The following BPIFB3 variants were observed in gnomAD, a reference collection of about 807,000 sequenced individuals.
BPIFB3 encodes the protein BPI fold containing family B member 3.
A neutral mutation model predicts 53.1 loss-of-function variants in BPIFB3; 49 were observed. The ratio of observed to expected loss-of-function variants is 0.92; its 90% CI spans 0.73 to 1.17. The LOEUF (loss-of-function observed/expected upper bound fraction) is 1.17. BPIFB3 is among the 50% of genes most tolerant of loss of function. The pLI is 0.00. For missense variants in BPIFB3, 628 were observed against 592.5 expected (o/e 1.06, Z -0.62); for synonymous variants, 271 against 269.6 (o/e 1.01, Z -0.05).
chr20:33,071,427 C>T lies in BPIFB3; in HGVS notation c.1260+132C>T. On this transcript the variant is annotated intron_variant, in intron 12 of 14. Transcript: ENST00000375494. ...GGACTGGGATCCTCCCCAATTAAGC[C>T]AGAGTGGGCAAATATCAGGGCGGGT... 4.8e-6 allele frequency: 5 copies of T among 1,033,014 alleles called. 1 individual carries two copies. In the South Asian group the frequency reaches 5.0e-5, roughly 10 times the overall value. 64.0% of individuals were successfully genotyped at this position (1,033,014 alleles called of 1,614,324 possible).
At chr20:33,056,781 G>A in intron 2 of BPIFB3, 83 bp downstream of exon 3, 1 of 1,466,382 alleles carries the variant, frequency 6.8e-7, no homozygotes, top group South Asian at 1.4e-5. Context: ...TTTGTAATTT[G>A]TCCAATAGGC....
exon 1 of BPIFB3, chr20:33,055,452 C>T: frequency 6.2e-7 from 1 of 1,613,672 alleles, no homozygotes. Flanking sequence ...GCCCTGTGGT[C>T]CCTGCTTCTG....
intron 1 of BPIFB3, among the ~76,000 whole-genome samples, chr20:33,056,068 G>A (rs973982757): frequency 1.1e-4 from 16 of 152,176 alleles, no homozygotes; most frequent in Middle Eastern, 3.2e-3. Context: ...GGCCTGGAGT[G>A]CCCAGGAGAG....
chr20:33,055,516 C>T lies in BPIFB3; in HGVS notation c.93C>T (p.Leu31=), dbSNP rs144150108. Residue 31 remains leucine, a synonymous_variant, in exon 1 of 15, where the codon CTC becomes CTT. Transcript: ENST00000375494. ...AGCTGCTAGAGACGGTGGGCACGCT[C>T]GCTCGGATTGACAAGGATGAACTCG... 2.4e-4 allele frequency: 380 copies of T among 1,613,472 alleles called. No individual in the cohort carries two copies. Among genetic ancestry groups the T allele is most frequent in the Non-Finnish European group, 2.8e-4 (332 of 1,179,994 alleles).
intron 10 of BPIFB3, 55 bp from the exon 12 acceptor site, chr20:33,069,833 T>G (rs974434233): frequency 5.1e-6 from 8 of 1,575,176 alleles, no homozygotes; most frequent in Non-Finnish European, 7.0e-6. Flanking sequence ...GGCAGACCCG[T>G]CCTCAAGCTC....
intron 8 of BPIFB3, 101 bp from the exon 10 acceptor site, chr20:33,066,723 A>G (rs1980684713): frequency 2.7e-6 from 3 of 1,098,024 alleles, no homozygotes; most frequent in Non-Finnish European, 4.2e-6. Context: ...TGAAATTGGC[A>G]GGGTAGGGGG....
intron 5 of BPIFB3, 106 bp downstream of exon 6, chr20:33,061,937 C>G: frequency 7.8e-7 from 1 of 1,285,958 alleles, no homozygotes; most frequent in Non-Finnish European, 1.1e-6. Context: ...GGCTGTACTT[C>G]CCTTCCACAC....
chr20:33,060,130 G>A, intron 4 of BPIFB3, 99 bp downstream of exon 5: 1 of 1,481,460 alleles, frequency 6.8e-7, no homozygotes, highest in Non-Finnish European at 9.1e-7. Context: ...CCAGCTGCGG[G>A]GGCCTGAACT....
In BPIFB3 at chr20:33,060,936, G is replaced by A. The variant is rs941140872; in HGVS notation, c.528-832G>A. On this transcript the variant is annotated intron_variant, in intron 4 of 14. Transcript: ENST00000375494. ...TGCCTAGGATCACACGCACAGATCC[G>A]GCAGGGATGGAGAGGGGCTGCGCTC... Among the ~76,000 whole-genome samples the A allele has an allele frequency of 2.6e-5, 4 of 152,300 alleles. No individual in the cohort carries two copies. The East Asian group carries it at 7.7e-4, about 29-fold the overall frequency.
At chr20:33,066,825 T>G in exon 9 of BPIFB3, 7 of 1,614,160 alleles carry the variant, frequency 4.3e-6, no homozygotes, top group Non-Finnish European at 5.9e-6. Flanking sequence ...GGGGTCCAGG[T>G]TCCCAGCGAT....
At position 33,069,964 on chromosome 20, in the gene BPIFB3, G is replaced by C. The variant is rs765141970; in HGVS notation, c.1217+9G>C. ...TCCCTGTCCCTGGAACGGTAACTTG[G>C]GATCCTGGGGACAGGATCTTGTTCT... On this transcript the variant is annotated intron_variant, in intron 11 of 14. Coordinates refer to ENST00000375494, the Ensembl canonical transcript of BPIFB3. 2 of 1,613,940 alleles carry C rather than the reference G, an allele frequency of 1.2e-6. No homozygotes were observed. Among genetic ancestry groups the C allele is most frequent in the Non-Finnish European group, 1.7e-6 (2 of 1,179,796 alleles).
At chr20:33,055,664 T>C in intron 1 of BPIFB3, 117 bp downstream of exon 2, 1 of 1,437,992 alleles carries the variant, frequency 7.0e-7, no homozygotes, top group Non-Finnish European at 9.5e-7. Flanking sequence ...CTCAGCTGCT[T>C]AGAGAGCACA....
At chr20:33,065,467 C>T (rs113760579) in intron 8 of BPIFB3, among the ~76,000 whole-genome samples, 9 of 151,404 alleles carry the variant, frequency 5.9e-5, no homozygotes, top group East Asian at 1.9e-4. Flanking sequence ...GCTGTGATTA[C>T]GCCACTGCAC....
upstream of BPIFB3, chr20:33,055,275 T>G: frequency 1.4e-5 from 17 of 1,193,918 alleles, no homozygotes; most frequent in East Asian, 2.4e-5. Flanking sequence ...TCTGCTTACA[T>G]TTGGGAGGAG....
intron 8 of BPIFB3, 53 bp from the exon 10 acceptor site, chr20:33,066,771 G>A: frequency 6.4e-7 from 1 of 1,563,424 alleles, no homozygotes; most frequent in Non-Finnish European, 8.8e-7. Context: ...TGTGCTGAGG[G>A]ATTCCTGTTC....
At chr20:33,068,437 A>AT (rs113267163) in intron 9 of BPIFB3, among the ~76,000 whole-genome samples, 1 of 152,322 alleles carries the variant, frequency 6.6e-6, no homozygotes, top group African/African-American at 2.4e-5. Flanking sequence ...TGCTGGGAGC[A>AT]TCCCTGGCAG....
intron 2 of BPIFB3, among the ~76,000 whole-genome samples, chr20:33,058,796 C>T (rs1019590300): frequency 6.6e-6 from 1 of 151,864 alleles, no homozygotes; most frequent in Non-Finnish European, 1.5e-5. Context: ...GGCAGAAAAC[C>T]AGGATGGAAG....
At chr20:33,065,922 TG>T (rs1156402749) in intron 8 of BPIFB3, among the ~76,000 whole-genome samples, 1 of 152,078 alleles carries the variant, frequency 6.6e-6, no homozygotes, top group Non-Finnish European at 1.5e-5. Context: ...GTCTTCCAGC[TG>T]GGGGATGGGG....
chr20:33,069,860 G>T, intron 10 of BPIFB3, 28 bp from the exon 12 acceptor site: 2 of 1,613,798 alleles, frequency 1.2e-6, no homozygotes, highest in Non-Finnish European at 1.7e-6. Context: ...CCGATTGGGG[G>T]TGACTTCTGC....
Sources: allele counts gnomAD v4.1 joint callset (sites outside exome capture counted in the v4.1 genomes callset), GRCh38; gene constraint gnomAD v4.1.1; transcripts MANE v1.5; gene names NCBI Gene and HGNC (gene_info 2026-07-23, HGNC 2026-07-21).